Variants in SMC3 observed in about 807,000 individuals in gnomAD.
SMC3 encodes structural maintenance of chromosomes 3, also known as structural maintenance of chromosomes protein 3.
SMC3 carries 20 observed loss-of-function variants against 171.8 expected under a neutral mutation model. That is an observed-to-expected ratio of 0.12 (90% confidence interval 0.08 to 0.17). The LOEUF (loss-of-function observed/expected upper bound fraction) is 0.17, where lower values mean the gene tolerates loss of function less well. Ranked by LOEUF, SMC3 falls within the 10% of genes least tolerant of loss-of-function variation. SMC3 has a pLI of 1.00. For synonymous variants in SMC3, 464 were observed against 451.1 expected, an observed-to-expected ratio of 1.03 and a Z score of -0.36; for missense variants, 543 against 1,420.4, an observed-to-expected ratio of 0.38 and a Z score of 9.93.
chr10:110,567,997 C>T (rs922613558), intron 1 of SMC3, among the ~76,000 whole-genome samples, 166 bp downstream of exon 1: 1 of 152,192 alleles, frequency 6.6e-6, no homozygotes, highest in Non-Finnish European at 1.5e-5. Context: ...GCTAGTGCCC[C>T]GGCTGCGGGG....
At chr10:110,594,674 T>C (rs944046767) in intron 18 of SMC3, among the ~76,000 whole-genome samples, 2 of 151,862 alleles carry the variant, frequency 1.3e-5, no homozygotes, top group East Asian at 1.9e-4. Context: ...ATTTTTTTTT[T>C]CCTCTTTATT....
intron 15 of SMC3, 38 bp from the exon 16 acceptor site, chr10:110,590,374 A>G: frequency 6.4e-7 from 1 of 1,556,958 alleles, no homozygotes; most frequent in Non-Finnish European, 8.9e-7. Context: ...GCCATTGATG[A>G]TATTATTTTA....
rs1861461628 is a variant in SMC3 at position 110,605,875 on chromosome 10, T to C, written c.*1573T>C. Among the ~76,000 whole-genome samples, 1 of 152,178 alleles carries C rather than the reference T, an allele frequency of 6.6e-6. No homozygotes were observed. The highest frequency in any genetic ancestry group is 6.5e-5 in the Admixed American group (1 of 15,284). ...AGTTGCTCTGATATGACCAACCCCT[T>C]ATAATACAGAATTTGGTGTAAGGTA... On this transcript the variant is annotated 3_prime_UTR_variant, in exon 29 of 29. Transcript: ENST00000361804.
rs757746647 is a variant in SMC3 at position 110,589,991 on chromosome 10, G to A, written c.1509G>A (p.Lys503=). The A allele has an allele frequency of 6.2e-7, 1 of 1,613,404 alleles. No individual in the cohort carries two copies. The highest frequency in any genetic ancestry group is 8.5e-7 in the Non-Finnish European group (1 of 1,179,582). ...AACTTCTTAGAGCAGCAACAGGAAA[G>A]GTGGGCAGGTTCTTTTCATCACCTC... The part of the protein sequence containing the change: ...KQQLLRAATG[K]AILNGIDSIN... Residue 503 remains lysine (K), a splice_region_variant and synonymous_variant, in exon 15 of 29, where the codon AAG becomes AAA. Transcript: ENST00000361804.
chr10:110,580,919 A>G lies in SMC3; in HGVS notation c.445A>G (p.Thr149Ala). Reference sequence around the variant, plus strand: ...AAAATTTTAGATCAACCAGATGGCAACAGCACCAGATTCTCAGAGATTAAA... The same window carrying G: ...AAAATTTTAGATCAACCAGATGGCAGCAGCACCAGATTCTCAGAGATTAAA... ...VKQGKINQMA[T>A]APDSQRLKLL... The change falls in exon 8 of 29, where the codon ACA (threonine) becomes GCA (alanine). Residue 149 changes from threonine (T) to alanine (A), a missense_variant. By Grantham distance (58) the Thr-to-Ala change is moderately conservative. Around this residue, in one of 8 missense-constraint regions of SMC3, gnomAD observed 146 missense variants for 437.9 expected, o/e 0.33. Transcript: ENST00000361804. 6.2e-7 allele frequency: 1 copy of G among 1,602,496 alleles called. No individual in the cohort carries two copies. The highest frequency in any genetic ancestry group is 8.6e-7 in the Non-Finnish European group (1 of 1,169,458).
Position 110,580,948 on chromosome 10 carries a change from A to G in SMC3, c.474A>G (p.Leu158=). The change falls in exon 8 of 29, where the codon CTA becomes CTG. Residue 158 remains leucine, a synonymous_variant. Coordinates refer to ENST00000361804, the MANE Select transcript of SMC3 (RefSeq NM_005445.4). ...CACCAGATTCTCAGAGATTAAAGCT[A>G]TTAAGAGAAGTAGCTGGTACTAGAG... ...ATAPDSQRLK[L]LREVAGTRVY... 9.3e-6 allele frequency: 15 copies of G among 1,611,916 alleles called. No individual in the cohort carries two copies. Among genetic ancestry groups the G allele is most frequent in the Non-Finnish European group, 1.3e-5 (15 of 1,178,036 alleles).
At chr10:110,584,479 T>TA (rs1861078149) in intron 13 of SMC3, 83 bp downstream of exon 13, 2 of 938,914 alleles carry the variant, frequency 2.1e-6, no homozygotes, top group African/African-American at 3.3e-5. Context: ...GTTTTCTTTT[T>TA]AAATAAGTCT....
intron 2 of SMC3, among the ~76,000 whole-genome samples, chr10:110,569,264 GT>G (rs1377231748): frequency 2.0e-5 from 3 of 152,128 alleles, no homozygotes; most frequent in Non-Finnish European, 4.4e-5. Context: ...GTGTAAGAGT[GT>G]TTTAAAGCAT....
intron 18 of SMC3, 41 bp downstream of exon 18, chr10:110,593,264 A>G: frequency 6.3e-7 from 1 of 1,592,822 alleles, no homozygotes; most frequent in South Asian, 1.1e-5. Context: ...GATAAATTCT[A>G]ACAAATCATT....
At chr10:110,598,410 C>CTTT in intron 20 of SMC3, 120 bp downstream of exon 20, 20 of 889,452 alleles carry the variant, frequency 2.2e-5, no homozygotes, top group Admixed American at 6.9e-5. Flanking sequence ...TGGACCCATA[C>CTTT]TTTTTTTTTT....
chr10:110,588,843 C>G (rs1861163927), intron 13 of SMC3, among the ~76,000 whole-genome samples: 1 of 151,896 alleles, frequency 6.6e-6, no homozygotes, highest in South Asian at 2.1e-4. Flanking sequence ...ACTCATTTTT[C>G]TTGAATGTAA....
rs587784430 is a variant in SMC3, at chr10:110,582,556, T to TC, written c.724-5dup. The TC allele has an allele frequency of 1.2e-4, 200 of 1,607,610 alleles. No individual in the cohort carries two copies. The highest frequency in any genetic ancestry group is 1.7e-4 in the Non-Finnish European group (195 of 1,174,364). Reference sequence around the variant, plus strand: ...GTTAGATATGATAAGTTGTTTTTTTTCTTAGCTTTCTGCTAAGCGAGAGAC... The same window carrying TC: ...GTTAGATATGATAAGTTGTTTTTTTTCCTTAGCTTTCTGCTAAGCGAGAGAC... On this transcript the variant is annotated splice_region_variant and splice_polypyrimidine_tract_variant and intron_variant, in intron 9 of 28. Coordinates refer to ENST00000361804, the MANE Select transcript of SMC3 (RefSeq NM_005445.4).
intron 18 of SMC3, 29 bp from the exon 19 acceptor site, chr10:110,596,369 C>G (rs765234983): frequency 6.3e-7 from 1 of 1,594,896 alleles, no homozygotes; most frequent in Non-Finnish European, 8.5e-7. Flanking sequence ...AAAAGTTGTA[C>G]AGACCTATTA....
In SMC3 at chr10:110,595,274, C is replaced by T. The variant is rs527657184; in HGVS notation, c.1964-1124C>T. On this transcript the variant is annotated intron_variant, in intron 18 of 28. Transcript: ENST00000361804. ...GGATTACAGGCATGACCACCATGCC[C>T]GGTCTAGATTCTTTAAATATAAGAC... 1.4e-4 allele frequency among the ~76,000 whole-genome samples: 22 copies of T among 152,260 alleles called. No individual in the cohort carries two copies. In the South Asian group the frequency reaches 1.7e-3, roughly 11 times the overall value.
chr10:110,581,851 G>T (rs1484785018), intron 8 of SMC3, 72 bp from the exon 9 acceptor site: 1 of 1,198,992 alleles, frequency 8.3e-7, no homozygotes, highest in Non-Finnish European at 1.2e-6. Flanking sequence ...TTTAATTCAA[G>T]GTATATTTAA....
Position 110,604,218 on chromosome 10 carries a change from A to G in SMC3, c.3583-13A>G. 3.7e-6 allele frequency: 6 copies of G among 1,601,946 alleles called. No homozygotes were observed. The highest frequency in any genetic ancestry group is 1.9e-4 in the Middle Eastern group (1 of 5,322). ...TAATTAACAGATTTTTGTTTTTAAC[A>G]TTTATTCTTCAGGTTAGTCATATTG... On this transcript the variant is annotated splice_polypyrimidine_tract_variant and intron_variant, in intron 28 of 28. Transcript: ENST00000361804.
chr10:110,569,869 T>C (rs1030446717), intron 2 of SMC3, among the ~76,000 whole-genome samples: 4 of 152,230 alleles, frequency 2.6e-5, no homozygotes, highest in African/African-American at 9.6e-5. Context: ...AAAAATGTTT[T>C]CTGACACTCT....
At chr10:110,604,195 A>G in intron 28 of SMC3, 36 bp from the exon 29 acceptor site, 2 of 1,357,224 alleles carry the variant, frequency 1.5e-6, no homozygotes, top group Non-Finnish European at 1.1e-6. Context: ...CACTGATGTA[A>G]TTAACAGATT....
intron 18 of SMC3, 33 bp downstream of exon 18, chr10:110,593,256 TA>T: frequency 6.3e-7 from 1 of 1,599,722 alleles, no homozygotes; most frequent in Non-Finnish European, 8.6e-7. Flanking sequence ...TTTAAACAGA[TA>T]AATTCTAACA....
Sources: allele counts gnomAD v4.1 joint callset (sites outside exome capture counted in the v4.1 genomes callset), GRCh38; gene constraint gnomAD v4.1.1; regional missense constraint gnomAD v4.1.1; transcripts MANE v1.5; gene names NCBI Gene and HGNC (gene_info 2026-07-23, HGNC 2026-07-21).